Variants in LRRTM4 observed in about 807,000 individuals in gnomAD.
LRRTM4 encodes the protein leucine-rich repeat transmembrane neuronal protein 4.
A neutral mutation model predicts 47.6 loss-of-function variants in LRRTM4; 25 were observed. The ratio of observed to expected loss-of-function variants is 0.53; its 90% CI spans 0.38 to 0.73. LRRTM4 has a LOEUF of 0.73. Among genes scored for constraint, LRRTM4 ranks in the 30% least tolerant of loss-of-function variants. The probability of loss-of-function intolerance (pLI) is 0.00; values close to 1 mark genes in which losing one functional copy is unlikely to be tolerated. For missense variants in LRRTM4, 638 were observed against 713.4 expected, an observed-to-expected ratio of 0.89 and a Z score of 1.20; for synonymous variants, 311 against 269.5, an observed-to-expected ratio of 1.15 and a Z score of -1.51.
intron 3 of LRRTM4, among the ~76,000 whole-genome samples, chr2:76,932,050 C>G (rs1243182481): frequency 6.6e-6 from 1 of 152,158 alleles, no homozygotes; most frequent in East Asian, 1.9e-4. Flanking sequence ...TCAGTAACTA[C>G]TGTGTTTCTC....
chr2:76,799,219 C>T lies in LRRTM4; in HGVS notation c.1552-50303G>A, dbSNP rs868689759. 5.0e-3 allele frequency among the ~76,000 whole-genome samples: 620 copies of T among 122,986 alleles called. 12 individuals are homozygous for T. The highest frequency in any genetic ancestry group is 0.021 in the African/African-American group (565 of 27,044). The allele number at this position is 122,986 out of a possible 152,430, so 80.7% of individuals were successfully genotyped here. A position where few individuals can be genotyped will look rare whatever the true frequency, so the allele number is the denominator to read the frequency against. On this transcript the variant is annotated intron_variant, in intron 3 of 3. Coordinates refer to ENST00000409884, the MANE Select transcript of LRRTM4 (RefSeq NM_001134745.3). ...AATCCTCAATAAAATACTGGCAAAACGAATCCAGCAGCACATCAAAAAGCT... is the reference window on the plus strand; with the variant it reads ...AATCCTCAATAAAATACTGGCAAAATGAATCCAGCAGCACATCAAAAAGCT...
intron 3 of LRRTM4, among the ~76,000 whole-genome samples, chr2:77,461,662 C>G (rs80270656): frequency 0.017 from 2,609 of 152,128 alleles, 109 homozygotes; most frequent in East Asian, 0.14. Context: ...ACGCATGCTC[C>G]TCTTTTGCTG....
chr2:77,102,308 C>G (rs1670976041), intron 3 of LRRTM4, among the ~76,000 whole-genome samples: 1 of 152,194 alleles, frequency 6.6e-6, no homozygotes, highest in South Asian at 2.1e-4. Flanking sequence ...GCTTCCACAT[C>G]CAAGCACTGT....
At chr2:77,087,116 G>A (rs992107284) in intron 3 of LRRTM4, among the ~76,000 whole-genome samples, 2 of 152,176 alleles carry the variant, frequency 1.3e-5, no homozygotes, top group African/African-American at 4.8e-5. Context: ...TATGAAGCAA[G>A]AAGCTTGTTT....
chr2:77,512,426 A>G (rs565490007), intron 3 of LRRTM4, among the ~76,000 whole-genome samples: 1 of 152,250 alleles, frequency 6.6e-6, no homozygotes, highest in South Asian at 2.1e-4. Context: ...TATTAAACTG[A>G]CTCAATGAAT....
At chr2:76,968,210 T>A (rs1380949886) in intron 3 of LRRTM4, among the ~76,000 whole-genome samples, 1 of 150,702 alleles carries the variant, frequency 6.6e-6, no homozygotes, top group African/African-American at 2.4e-5. Context: ...AATTCAGTAA[T>A]GATAATCAAA....
chr2:77,191,075 T>C (rs1390545021), intron 3 of LRRTM4, among the ~76,000 whole-genome samples: 5 of 152,128 alleles, frequency 3.3e-5, no homozygotes, highest in Non-Finnish European at 4.4e-5. Flanking sequence ...ATCTGGAAAA[T>C]AGAAACTACA....
chr2:77,396,352 G>C (rs1673704054), intron 3 of LRRTM4, among the ~76,000 whole-genome samples: 1 of 151,778 alleles, frequency 6.6e-6, no homozygotes. Flanking sequence ...ATCATTTCCA[G>C]CTTGTATTCT....
chr2:77,116,447 C>T (rs1396301476), intron 3 of LRRTM4, among the ~76,000 whole-genome samples: 2 of 152,048 alleles, frequency 1.3e-5, no homozygotes, highest in Non-Finnish European at 2.9e-5. Context: ...TATATAATTA[C>T]TGCAGTAATA....
chr2:77,186,799 T>G (rs1673517031), intron 3 of LRRTM4, among the ~76,000 whole-genome samples: 1 of 151,844 alleles, frequency 6.6e-6, no homozygotes, highest in Admixed American at 6.6e-5. Context: ...CAGCTAAGAG[T>G]TGAGAGAAGC....
intron 3 of LRRTM4, among the ~76,000 whole-genome samples, chr2:77,120,703 C>G (rs915123757): frequency 6.6e-6 from 1 of 151,688 alleles, no homozygotes; most frequent in Non-Finnish European, 1.5e-5. Context: ...GCTGAAAATA[C>G]ATATATTTTT....
chr2:77,294,248 C>CT (rs201662960), intron 3 of LRRTM4, among the ~76,000 whole-genome samples: 1,978 of 151,526 alleles, frequency 0.013, 37 homozygotes, highest in African/African-American at 0.046. Flanking sequence ...TCAATAGTGA[C>CT]TTTTTTTGGA....
chr2:77,010,007 T>C (rs1677807899), intron 3 of LRRTM4, among the ~76,000 whole-genome samples: 1 of 152,044 alleles, frequency 6.6e-6, no homozygotes, highest in Admixed American at 6.6e-5. Context: ...ACTTTATTTT[T>C]AAATTCATAA....
At chr2:77,058,981 A>C (rs554320075) in intron 3 of LRRTM4, among the ~76,000 whole-genome samples, 7 of 152,266 alleles carry the variant, frequency 4.6e-5, no homozygotes, top group African/African-American at 1.7e-4. Context: ...TGAAATAACC[A>C]ATTTCTAAGT....
At chr2:76,911,405 C>A (rs929520878) in intron 3 of LRRTM4, among the ~76,000 whole-genome samples, 1 of 152,304 alleles carries the variant, frequency 6.6e-6, no homozygotes, top group South Asian at 2.1e-4. Context: ...GTGACAGAAC[C>A]TAATGCTTCC....
intron 3 of LRRTM4, among the ~76,000 whole-genome samples, chr2:77,251,443 T>C (rs567024339): frequency 8.4e-4 from 127 of 151,674 alleles, no homozygotes; most frequent in Non-Finnish European, 1.5e-3. Flanking sequence ...GGAATTGAGA[T>C]GAAAAGGAAG....
intron 3 of LRRTM4, among the ~76,000 whole-genome samples, chr2:77,130,824 ATTTTTTTTTTTTTTT>A (rs768577274): frequency 5.6e-5 from 2 of 35,622 alleles, no homozygotes; most frequent in African/African-American, 2.5e-4. Flanking sequence ...TATTTGTTCT[ATTTTTTTTTTTTTTT>A]TTTTTTTTTT....
chr2:76,956,582 G>T (rs970100156), intron 3 of LRRTM4, among the ~76,000 whole-genome samples: 1 of 150,546 alleles, frequency 6.6e-6, no homozygotes, highest in Non-Finnish European at 1.5e-5. Flanking sequence ...TAAACCTAAA[G>T]ATAGCAGAAA....
chr2:77,360,527 G>GATACGATACGATACA (rs1558706291), intron 3 of LRRTM4, among the ~76,000 whole-genome samples: 2 of 110,138 alleles, frequency 1.8e-5, no homozygotes, highest in Non-Finnish European at 4.1e-5. Context: ...GATACGATAC[G>GATACGATACGATACA]ATACGATACA....
Sources: allele counts gnomAD v4.1 joint callset (sites outside exome capture counted in the v4.1 genomes callset), GRCh38; gene constraint gnomAD v4.1.1; transcripts MANE v1.5; gene names NCBI Gene and HGNC (gene_info 2026-07-23, HGNC 2026-07-21).